Variants in TPRG1 observed in about 807,000 individuals in gnomAD.
The protein encoded by TPRG1 is tumor protein p63-regulated gene 1 protein.
TPRG1 carries 29 observed loss-of-function variants against 29.3 expected under a neutral mutation model. The observed-to-expected ratio is 0.99, with a 90% confidence interval of 0.74 to 1.35. TPRG1 has a LOEUF of 1.35. TPRG1 is among the 40% of genes most tolerant of loss of function. The pLI, the probability that TPRG1 is intolerant of heterozygous loss-of-function variation, is 0.00. For synonymous variants in TPRG1, 130 were observed against 116.8 expected (o/e 1.11, Z -0.73); for missense variants, 327 against 335.0 (o/e 0.98, Z 0.19).
At chr3:189,133,778 T>G (rs143250555) in intron 3 of TPRG1, among the ~76,000 whole-genome samples, 1 of 152,156 alleles carries the variant, frequency 6.6e-6, no homozygotes, top group Non-Finnish European at 1.5e-5. Flanking sequence ...CAAGAGAAGA[T>G]CTACAGGAGA....
At chr3:189,019,188 T>C (rs1408801053) in intron 3 of TPRG1, among the ~76,000 whole-genome samples, 1 of 151,338 alleles carries the variant, frequency 6.6e-6, no homozygotes, top group Admixed American at 6.6e-5. Context: ...CAGGGACAAT[T>C]TGACTTCCTC....
chr3:189,022,841 G>T (rs888456426), intron 3 of TPRG1, among the ~76,000 whole-genome samples: 3 of 152,236 alleles, frequency 2.0e-5, no homozygotes, highest in Non-Finnish European at 4.4e-5. Context: ...CTGCCGCCTT[G>T]CAGTTTGATC....
At position 189,090,878 on chromosome 3, in the gene TPRG1, A is replaced by G. The variant is rs369119397; in HGVS notation, c.-462-36179A>G. Among the ~76,000 whole-genome samples the G allele has an allele frequency of 5.3e-5, 8 of 152,170 alleles. No individual in the cohort carries two copies. In the East Asian group the frequency reaches 1.4e-3, roughly 26 times the overall value. ...TATTCCAAAGTCTTTGCTTTGATTA[A>G]TGACGTTTTGCAATTGTTTCATGCA... On this transcript the variant is annotated intron_variant, in intron 4 of 10. Coordinates refer to the TPRG1 transcript ENST00000433971.
intron 4 of TPRG1, among the ~76,000 whole-genome samples, chr3:189,149,979 G>A (rs1244491311): frequency 2.6e-5 from 4 of 152,168 alleles, no homozygotes; most frequent in Non-Finnish European, 4.4e-5. Flanking sequence ...TAGGTTAATT[G>A]TTATTTTCCT....
chr3:189,309,316 A>G (rs543992834), intron 4 of TPRG1, among the ~76,000 whole-genome samples: 2 of 152,328 alleles, frequency 1.3e-5, no homozygotes, highest in East Asian at 3.9e-4. Flanking sequence ...AAACCATAAC[A>G]GCATTCCCGA....
At chr3:189,289,227 A>T (rs557638778) in intron 4 of TPRG1, among the ~76,000 whole-genome samples, 1 of 152,266 alleles carries the variant, frequency 6.6e-6, no homozygotes, top group Admixed American at 6.5e-5. Flanking sequence ...GTCTTTATTT[A>T]TGAGGATGGC....
intron 3 of TPRG1, among the ~76,000 whole-genome samples, chr3:189,142,894 C>T (rs1724763022): frequency 6.6e-6 from 1 of 152,172 alleles, no homozygotes. Flanking sequence ...GCCTACTTCC[C>T]ACCACCTCAT....
Position 189,021,685 on chromosome 3 carries a change from T to C in TPRG1, c.-659-2065T>C, listed in dbSNP as rs528268039. The stretch of plus-strand genomic sequence containing the variant: ...TAACATTTTTTCCATCATTTCAACT[T>C]TGGTGAATCTGACAATTATGTGTCT... On this transcript the variant is annotated intron_variant, in intron 3 of 10. Transcript: ENST00000433971. Among the ~76,000 whole-genome samples the C allele has an allele frequency of 2.6e-5, 4 of 152,284 alleles. No homozygotes were observed. In the South Asian group the frequency reaches 8.3e-4, roughly 32 times the overall value.
chr3:189,234,187 A>G (rs1300313729), intron 3 of TPRG1, among the ~76,000 whole-genome samples: 1 of 152,116 alleles, frequency 6.6e-6, no homozygotes, highest in Non-Finnish European at 1.5e-5. Context: ...CCTTGTGCAT[A>G]TTTAAAGGGA....
chr3:188,999,123 T>C (rs1711920616), intron 1 of TPRG1, among the ~76,000 whole-genome samples: 1 of 152,164 alleles, frequency 6.6e-6, no homozygotes, highest in Non-Finnish European at 1.5e-5. Context: ...GTAAGGGTAG[T>C]GAGACCAGTT....
intron 4 of TPRG1, among the ~76,000 whole-genome samples, chr3:189,284,345 T>TC (rs760619471): frequency 1.5e-3 from 172 of 111,870 alleles, no homozygotes; most frequent in Middle Eastern, 8.3e-3. Flanking sequence ...ATGCTATCCC[T>TC]CCCCCCCCCT....
chr3:189,249,672 A>G (rs1169194741), intron 4 of TPRG1, among the ~76,000 whole-genome samples: 2 of 151,990 alleles, frequency 1.3e-5, no homozygotes, highest in Admixed American at 6.6e-5. Flanking sequence ...TTCTTCTAAC[A>G]GAGTAATCAT....
At chr3:189,310,624 C>T (rs867118568) in intron 5 of TPRG1, 85 bp downstream of exon 5, 8 of 470,394 alleles carry the variant, frequency 1.7e-5, no homozygotes, top group Admixed American at 3.6e-5. Context: ...CTAAACAAAA[C>T]AAAATAAAAT....
intron 4 of TPRG1, among the ~76,000 whole-genome samples, chr3:189,054,155 C>A (rs981573327): frequency 1.3e-5 from 2 of 152,036 alleles, no homozygotes; most frequent in Non-Finnish European, 2.9e-5. Flanking sequence ...TTAACCCTTA[C>A]AAGTCATTGT....
At chr3:189,206,808 C>T (rs56843218) in intron 1 of TPRG1, among the ~76,000 whole-genome samples, 2,425 of 147,722 alleles carry the variant, frequency 0.016, 76 homozygotes, top group African/African-American at 0.059. Flanking sequence ...GCTGAACAAC[C>T]GTGTGTGTGT....
chr3:189,042,409 C>T (rs1042624055), intron 4 of TPRG1, among the ~76,000 whole-genome samples: 1 of 152,112 alleles, frequency 6.6e-6, no homozygotes, highest in Admixed American at 6.6e-5. Context: ...ATAACATTTT[C>T]TATCTATAAG....
At chr3:189,012,843 C>A (rs927573995) in intron 3 of TPRG1, among the ~76,000 whole-genome samples, 1 of 151,824 alleles carries the variant, frequency 6.6e-6, no homozygotes, top group Admixed American at 6.6e-5. Context: ...TGGTAATATC[C>A]CCCTTATCAT....
chr3:189,222,476 G>A (rs948774416), intron 3 of TPRG1, among the ~76,000 whole-genome samples: 5 of 152,110 alleles, frequency 3.3e-5, no homozygotes, highest in African/African-American at 1.2e-4. Context: ...CGCTCATCTA[G>A]TCTAGACCCC....
At chr3:189,089,090 GTTC>G (rs1718167414) in intron 4 of TPRG1, among the ~76,000 whole-genome samples, 1 of 151,648 alleles carries the variant, frequency 6.6e-6, no homozygotes, top group Admixed American at 6.6e-5. Flanking sequence ...TTTCATCTGT[GTTC>G]TTAAGTCCAA....
Sources: gnomAD v4.1 joint callset for allele counts (sites outside exome capture counted in the v4.1 genomes callset) on GRCh38, gnomAD v4.1.1 for gene constraint, MANE v1.5 for transcripts, NCBI Gene and HGNC (gene_info 2026-07-23, HGNC 2026-07-21) for gene names.